The following FLRT1 variants were observed in gnomAD, a reference collection of about 807,000 sequenced individuals.
FLRT1 encodes fibronectin leucine rich transmembrane protein 1, also known as leucine-rich repeat transmembrane protein FLRT1.
FLRT1 carries 14 observed loss-of-function variants against 30.9 expected under a neutral mutation model. The ratio of observed to expected loss-of-function variants is 0.45; its 90% CI spans 0.30 to 0.71. The LOEUF (loss-of-function observed/expected upper bound fraction) is 0.71. FLRT1 is among the 30% of genes least tolerant of loss of function. FLRT1 has a pLI of 0.08. For missense variants in FLRT1, 737 were observed against 949.2 expected (o/e 0.78, Z 2.94); for synonymous variants, 368 against 430.4 (o/e 0.85, Z 1.80).
intron 1 of FLRT1, among the ~76,000 whole-genome samples, chr11:64,070,103 G>C (rs919237478): frequency 2.0e-5 from 3 of 152,174 alleles, no homozygotes; most frequent in African/African-American, 7.2e-5. Flanking sequence ...GATGGATGCT[G>C]TTATCACTAT....
At chr11:64,075,212 C>T (rs1003728626) in intron 1 of FLRT1, among the ~76,000 whole-genome samples, 1 of 152,230 alleles carries the variant, frequency 6.6e-6, no homozygotes, top group African/African-American at 2.4e-5. Flanking sequence ...CATTCTGATC[C>T]ACATGCCAGC....
intron 1 of FLRT1, among the ~76,000 whole-genome samples, chr11:64,087,893 T>C (rs1169613541): frequency 1.3e-5 from 2 of 152,198 alleles, no homozygotes; most frequent in Non-Finnish European, 2.9e-5. Context: ...CTTAGCTCCT[T>C]CTTTCTGCGA....
rs752014510 is a variant in FLRT1, at chr11:64,117,858, G to A, written c.1591G>A (p.Asp531Asn). The A allele has an allele frequency of 9.9e-6, 16 of 1,614,154 alleles. No homozygotes were observed. The highest frequency in any genetic ancestry group is 2.2e-5 in the South Asian group (2 of 91,092). The change falls in exon 3 of 3, where the codon GAC becomes AAC. Residue 531 changes from aspartate to asparagine, a missense_variant. Physicochemically the swap from Asp to Asn is conservative, Grantham distance 23. Transcript: ENST00000682287. ...CGTGTGTGCCAAGGCAGAGACAGCC[G>A]ACAGCTATGGCCCTACCACCACACT... Reference protein sequence around the residue: ...TPVCAKAETADSYGPTTTLNQ... With the variant: ...TPVCAKAETANSYGPTTTLNQ...
chr11:64,039,296 C>T (rs1421910173), intron 1 of FLRT1, among the ~76,000 whole-genome samples: 1 of 152,110 alleles, frequency 6.6e-6, no homozygotes, highest in Admixed American at 6.5e-5. Flanking sequence ...GGGGACTGCC[C>T]CGGGGGTAGC....
intron 1 of FLRT1, among the ~76,000 whole-genome samples, chr11:64,091,612 C>T (rs1032260206): frequency 3.3e-5 from 5 of 152,126 alleles, no homozygotes; most frequent in South Asian, 4.1e-4. Context: ...CAGCCTAGGA[C>T]GTTGCCGCCA....
intron 1 of FLRT1, among the ~76,000 whole-genome samples, chr11:64,063,846 G>A (rs1943948673): frequency 6.6e-6 from 1 of 152,210 alleles, no homozygotes; most frequent in East Asian, 1.9e-4. Flanking sequence ...AATTAGCACA[G>A]ACAATGCCTC....
chr11:64,106,134 G>A (rs1191063649), intron 2 of FLRT1, among the ~76,000 whole-genome samples: 2 of 152,146 alleles, frequency 1.3e-5, no homozygotes, highest in Non-Finnish European at 2.9e-5. Flanking sequence ...GGTCCCGCTG[G>A]GCAGCTGAGA....
chr11:64,080,806 G>C (rs1369614622), intron 1 of FLRT1, among the ~76,000 whole-genome samples: 2 of 152,136 alleles, frequency 1.3e-5, no homozygotes, highest in African/African-American at 2.4e-5. Context: ...GTGTCCTCGG[G>C]CTCAGTGATG....
At position 64,096,948 on chromosome 11, in the gene FLRT1, T is replaced by C. The variant is rs556216872; in HGVS notation, c.-1037-6246T>C. 7.9e-5 allele frequency among the ~76,000 whole-genome samples: 12 copies of C among 152,228 alleles called. No individual in the cohort carries two copies. The South Asian group carries it at 2.3e-3, about 29-fold the overall frequency. Reference sequence around the variant, plus strand: ...CCTTGCTGGTCCCCCGCTCACCCACTCTCTCAGCGTCTGGGCCCGGGAGTT... The same window carrying C: ...CCTTGCTGGTCCCCCGCTCACCCACCCTCTCAGCGTCTGGGCCCGGGAGTT... On this transcript the variant is annotated intron_variant, in intron 1 of 2. Transcript: ENST00000682287. This position sits in a 1 kb window ranked among gnomAD's most constrained non-coding sequence, Gnocchi z 4.6.
Position 64,067,491 on chromosome 11 carries a change from TCGGGGA to T in FLRT1, c.-1038+31340_-1038+31345del, listed in dbSNP as rs1404098856. On this transcript the variant is annotated intron_variant, in intron 1 of 2. Coordinates refer to ENST00000682287, the MANE Select transcript of FLRT1 (RefSeq NM_013280.5). This position sits in a 1 kb window ranked among gnomAD's most constrained non-coding sequence, Gnocchi z 4.6. ...CAGATAACAGAAGGGAGGAGATAGG[TCGGGGA>T]CGGGGACAGACGGCACCTCCCCAAC... is the stretch of plus-strand genomic sequence containing the variant. 2.0e-5 allele frequency among the ~76,000 whole-genome samples: 3 copies of T among 151,674 alleles called. No individual in the cohort carries two copies. The East Asian group carries it at 5.8e-4, about 29-fold the overall frequency.
intron 1 of FLRT1, among the ~76,000 whole-genome samples, chr11:64,046,532 T>C (rs959408500): frequency 5.9e-5 from 9 of 152,324 alleles, no homozygotes; most frequent in African/African-American, 1.9e-4. Context: ...GTCAGCTTCA[T>C]GCACACTCCT....
rs1048222399 is a variant in FLRT1 at position 64,096,048 on chromosome 11, A to G, written c.-1037-7146A>G. ...CAGCACAGTGCTGCTTCAAACTGCC[A>G]CTTGAGAGCTCCAGCGTGGGGACAG... On this transcript the variant is annotated intron_variant, in intron 1 of 2. Transcript: ENST00000682287. This position sits in a 1 kb window ranked among gnomAD's most constrained non-coding sequence, Gnocchi z 4.6. Among the ~76,000 whole-genome samples, 1 of 152,176 alleles carries G rather than the reference A, an allele frequency of 6.6e-6. No individual in the cohort carries two copies. Among genetic ancestry groups the G allele is most frequent in the Non-Finnish European group, 1.5e-5 (1 of 68,022 alleles).
At chr11:64,057,036 G>A (rs2134426345) in intron 1 of FLRT1, among the ~76,000 whole-genome samples, 1 of 152,270 alleles carries the variant, frequency 6.6e-6, no homozygotes, top group South Asian at 2.1e-4. Flanking sequence ...AGCCTGCCCT[G>A]GGCTCCCAGG....
intron 2 of FLRT1, among the ~76,000 whole-genome samples, chr11:64,113,052 G>A (rs946980827): frequency 2.0e-5 from 3 of 152,208 alleles, no homozygotes; most frequent in African/African-American, 7.2e-5. Context: ...CCCACAGAGT[G>A]CTGCAAGCCT....
In FLRT1 at chr11:64,067,377, T is replaced by A. The variant is rs1944024141; in HGVS notation, c.-1038+31218T>A. 6.6e-6 allele frequency among the ~76,000 whole-genome samples: 1 copy of A among 152,078 alleles called. No homozygotes were observed. The highest frequency in any genetic ancestry group is 2.1e-4 in the South Asian group (1 of 4,822). ...TCGGGCAAAATAGCAGCTGCTGACG[T>A]GAAAATGAAATATAGATTCAATACC... On this transcript the variant is annotated intron_variant, in intron 1 of 2. Coordinates refer to ENST00000682287, the MANE Select transcript of FLRT1 (RefSeq NM_013280.5). This position sits in a 1 kb window ranked among gnomAD's most constrained non-coding sequence, Gnocchi z 4.6.
chr11:64,092,855 G>A (rs895474564), intron 1 of FLRT1, among the ~76,000 whole-genome samples: 1 of 152,238 alleles, frequency 6.6e-6, no homozygotes, highest in African/African-American at 2.4e-5. Context: ...TGTCACCAAA[G>A]ACAAAGTCAA....
At chr11:64,051,131 A>C (rs997501076) in intron 1 of FLRT1, among the ~76,000 whole-genome samples, 4 of 152,198 alleles carry the variant, frequency 2.6e-5, no homozygotes, top group African/African-American at 4.8e-5. Context: ...CCAAAGCCCC[A>C]GGTTTGAGGC....
chr11:64,114,265 T>TGGACGGATGGATGGATGGATGGAC, intron 2 of FLRT1, among the ~76,000 whole-genome samples: 1 of 149,560 alleles, frequency 6.7e-6, no homozygotes, highest in South Asian at 2.2e-4. Context: ...GGTGGATGGA[T>TGGACGGATGGATGGATGGATGGAC]GGATGGATGG....
chr11:64,055,982 G>C (rs943113930), intron 1 of FLRT1, among the ~76,000 whole-genome samples: 1 of 152,194 alleles, frequency 6.6e-6, no homozygotes, highest in Non-Finnish European at 1.5e-5. Flanking sequence ...GGAGGGACGC[G>C]CTGTCGGTCC....
Sources: gnomAD v4.1 joint callset for allele counts (sites outside exome capture counted in the v4.1 genomes callset) on GRCh38, gnomAD v4.1.1 for gene constraint, Gnocchi (gnomAD v3.1) non-coding constraint, MANE v1.5 for transcripts, NCBI Gene and HGNC (gene_info 2026-07-23, HGNC 2026-07-21) for gene names.